The following KCNMB4 variants were observed in gnomAD, a reference collection of about 807,000 sequenced individuals.
The protein encoded by KCNMB4 is calcium-activated potassium channel subunit beta-4.
A neutral mutation model predicts 20.7 loss-of-function variants in KCNMB4; 3 were observed. The observed-to-expected ratio is 0.14, with a 90% CI of 0.07 to 0.37. The LOEUF (loss-of-function observed/expected upper bound fraction) is 0.37. Among genes scored for constraint, KCNMB4 ranks in the 10% least tolerant of loss-of-function variants. The pLI is 1.00. For missense variants in KCNMB4, 168 were observed against 265.9 expected (o/e 0.63, Z 2.56); for synonymous variants, 110 against 113.4 (o/e 0.97, Z 0.19).
chr12:70,420,825 G>A (rs1869030873), intron 2 of KCNMB4, among the ~76,000 whole-genome samples: 1 of 152,056 alleles, frequency 6.6e-6, no homozygotes, highest in East Asian at 1.9e-4. Flanking sequence ...TTGGGAGGCC[G>A]AGGCGGGCGG....
intron 2 of KCNMB4, among the ~76,000 whole-genome samples, chr12:70,401,943 G>A (rs967744408): frequency 6.6e-5 from 10 of 152,152 alleles, no homozygotes; most frequent in South Asian, 4.1e-4. Context: ...GAAGCCAGCC[G>A]TATTCATGAG....
At chr12:70,397,570 A>T (rs940765181) in intron 1 of KCNMB4, among the ~76,000 whole-genome samples, 14 of 152,310 alleles carry the variant, frequency 9.2e-5, no homozygotes, top group South Asian at 2.1e-4. Flanking sequence ...GAATTTTTTT[A>T]AAAATCTCAC....
chr12:70,384,873 C>CAAAAAAAAAAAA (rs57306622), intron 1 of KCNMB4, among the ~76,000 whole-genome samples: 21 of 74,312 alleles, frequency 2.8e-4, no homozygotes, highest in Non-Finnish European at 4.3e-4. Context: ...GACCCTGTCT[C>CAAAAAAAAAAAA]AAAAAAAAAA....
chr12:70,400,935 T>C (rs1158532070), intron 2 of KCNMB4, among the ~76,000 whole-genome samples: 1 of 152,234 alleles, frequency 6.6e-6, no homozygotes, highest in South Asian at 2.1e-4. Flanking sequence ...GAAAATGGCA[T>C]GACCATTCAC....
chr12:70,378,995 C>T (rs540044154), intron 1 of KCNMB4, among the ~76,000 whole-genome samples: 3 of 152,280 alleles, frequency 2.0e-5, no homozygotes, highest in East Asian at 1.9e-4. Context: ...TGTCAGTTAG[C>T]AGTAGTATTT....
At chr12:70,421,476 A>G (rs1460134455) in intron 2 of KCNMB4, among the ~76,000 whole-genome samples, 2 of 151,174 alleles carry the variant, frequency 1.3e-5, no homozygotes, top group African/African-American at 2.4e-5. Context: ...AAAAGAAAAA[A>G]AAAAAAAAAA....
chr12:70,403,611 C>T (rs1452469922), intron 2 of KCNMB4, among the ~76,000 whole-genome samples: 1 of 152,150 alleles, frequency 6.6e-6, no homozygotes, highest in Non-Finnish European at 1.5e-5. Flanking sequence ...CAGGCGGGAG[C>T]CTCTGTGCCC....
intron 1 of KCNMB4, among the ~76,000 whole-genome samples, chr12:70,376,436 G>A (rs988145631): frequency 6.6e-6 from 1 of 151,994 alleles, no homozygotes; most frequent in Non-Finnish European, 1.5e-5. Context: ...CTTATATATA[G>A]TAACTCCTAA....
intron 2 of KCNMB4, among the ~76,000 whole-genome samples, chr12:70,403,709 A>G (rs1046720482): frequency 3.3e-5 from 5 of 152,230 alleles, no homozygotes; most frequent in African/African-American, 1.2e-4. Flanking sequence ...AGCATTTTGT[A>G]AAATCGATGC....
At chr12:70,395,175 A>T (rs1868340571) in intron 1 of KCNMB4, among the ~76,000 whole-genome samples, 1 of 132,824 alleles carries the variant, frequency 7.5e-6, no homozygotes, top group African/African-American at 3.3e-5. Context: ...TTTTGTAACC[A>T]AATTTATTTG....
intron 2 of KCNMB4, among the ~76,000 whole-genome samples, chr12:70,424,053 A>AGTAGGGAAAAGG (rs1869141838): frequency 6.6e-6 from 1 of 152,212 alleles, no homozygotes; most frequent in Admixed American, 6.5e-5. Flanking sequence ...TACCTAACTT[A>AGTAGGGAAAAGG]GTAGGGAAAA....
Position 70,433,007 on chromosome 12 carries a change from C to T in KCNMB4, c.*2354C>T, listed in dbSNP as rs1299621933. 2 of 152,064 alleles carry T rather than the reference C, an allele frequency of 1.3e-5. No individual in the cohort carries two copies. The highest frequency in any genetic ancestry group is 4.8e-5 in the African/African-American group (2 of 41,396). The allele number at this position is 152,064 out of a possible 1,614,324, so 9.4% of individuals were successfully genotyped here. A position where few individuals can be genotyped will look rare whatever the true frequency, so the allele number is the denominator to read the frequency against. On this transcript the variant is annotated 3_prime_UTR_variant, in exon 3 of 3. Coordinates refer to ENST00000258111, the MANE Select transcript of KCNMB4 (RefSeq NM_014505.6). ...ATTTATCCCGAAAAAGTATATGCAA[C>T]TGTATTCTGTAGGTTGATTTTTGGA...
chr12:70,386,879 A>G (rs10879134), intron 1 of KCNMB4, among the ~76,000 whole-genome samples: 35,674 of 152,062 alleles, frequency 0.23, 4,644 homozygotes, highest in East Asian at 0.5. Context: ...ATCTGTACAC[A>G]TGAGAGCACT....
intron 2 of KCNMB4, among the ~76,000 whole-genome samples, chr12:70,423,644 A>C (rs1869129777): frequency 6.6e-6 from 1 of 151,936 alleles, no homozygotes; most frequent in South Asian, 2.1e-4. Flanking sequence ...CGCCCATCGA[A>C]TTTTTTTATA....
intron 1 of KCNMB4, among the ~76,000 whole-genome samples, chr12:70,380,383 C>G (rs1351620091): frequency 6.6e-6 from 1 of 152,064 alleles, no homozygotes; most frequent in African/African-American, 2.4e-5. Flanking sequence ...ATATAATAAT[C>G]ATGAAAAGTT....
chr12:70,377,514 C>T (rs1303656714), intron 1 of KCNMB4, among the ~76,000 whole-genome samples: 1 of 152,062 alleles, frequency 6.6e-6, no homozygotes, highest in African/African-American at 2.4e-5. Context: ...GAGGATCATG[C>T]CTCGATGTTG....
intron 1 of KCNMB4, among the ~76,000 whole-genome samples, chr12:70,372,261 A>G (rs1394227307): frequency 6.6e-6 from 1 of 152,234 alleles, no homozygotes; most frequent in Non-Finnish European, 1.5e-5. Flanking sequence ...TTTGGATTTT[A>G]TTCCAAGCAT....
chr12:70,423,156 T>G (rs1431949681), intron 2 of KCNMB4, among the ~76,000 whole-genome samples: 1 of 152,236 alleles, frequency 6.6e-6, no homozygotes, highest in African/African-American at 2.4e-5. Flanking sequence ...TAACACTTTA[T>G]TTCTCCAAAA....
In KCNMB4 at chr12:70,393,492, C is replaced by T. The variant is rs893625043; in HGVS notation, c.337-6717C>T. Among the ~76,000 whole-genome samples the T allele has an allele frequency of 2.6e-5, 4 of 152,198 alleles. No homozygotes were observed. The East Asian group carries it at 5.8e-4, about 22-fold the overall frequency. ...CTGGGATTACAGGTGTGAGCCACCA[C>T]GCCCCGCCGTGTTTTTATTTTCTAA... On this transcript the variant is annotated intron_variant, in intron 1 of 2. Transcript: ENST00000258111.
Sources: allele counts gnomAD v4.1 joint callset (sites outside exome capture counted in the v4.1 genomes callset), GRCh38; gene constraint gnomAD v4.1.1; transcripts MANE v1.5; gene names NCBI Gene and HGNC (gene_info 2026-07-23, HGNC 2026-07-21).